PRIM2: variants seen among roughly 807,000 people sequenced by gnomAD.
PRIM2 encodes DNA primase subunit 2.
PRIM2 carries 39 observed loss-of-function variants against 67.3 expected under a neutral mutation model. The observed-to-expected ratio is 0.58, with a 90% confidence interval of 0.45 to 0.76. PRIM2 has a LOEUF of 0.76. Ranked by LOEUF, PRIM2 falls within the 30% of genes least tolerant of loss-of-function variation. PRIM2 has a pLI of 0.00. For missense variants in PRIM2, 398 were observed against 598.7 expected, an observed-to-expected ratio of 0.66 and a Z score of 3.50; for synonymous variants, 143 against 198.7, an observed-to-expected ratio of 0.72 and a Z score of 2.36.
chr6:57,312,927 C>T (rs867476773), upstream of PRIM2, among the ~76,000 whole-genome samples: 1 of 152,278 alleles, frequency 6.6e-6, no homozygotes, highest in East Asian at 1.9e-4. Flanking sequence ...TGTCCCAGCA[C>T]CATTTAGAAT....
At position 57,318,511 on chromosome 6, in the gene PRIM2, C is replaced by A; in HGVS notation, c.66C>A (p.Tyr22Ter). The A allele has an allele frequency of 1.2e-6, 2 of 1,606,618 alleles. No homozygotes were observed. The highest frequency in any genetic ancestry group is 1.7e-6 in the Non-Finnish European group (2 of 1,176,200). ...RLAGDQRNAS[Y>*]PHCLQFYLQP... ...CAGGTGACCAGAGGAATGCTTCCTA[C>A]CCTCATTGCCTTCAGTTTTACTTGC... is the stretch of plus-strand genomic sequence containing the variant. Residue 22 changes from tyrosine (Y) to a stop codon, truncating the protein, a stop_gained, in exon 2 of 14, where the codon TAC (tyrosine) becomes TAA (stop). Transcript: ENST00000615550. LOFTEE classifies it high-confidence loss of function.
At chr6:57,353,820 T>C (rs1252507102) in intron 5 of PRIM2, among the ~76,000 whole-genome samples, 1 of 152,216 alleles carries the variant, frequency 6.6e-6, no homozygotes, top group Admixed American at 6.5e-5. Context: ...TTCCACCATC[T>C]CTTAAGCTCT....
At chr6:57,589,948 C>T (rs1402216081) in intron 10 of PRIM2, among the ~76,000 whole-genome samples, 1 of 152,056 alleles carries the variant, frequency 6.6e-6, no homozygotes, top group Non-Finnish European at 1.5e-5. Flanking sequence ...AAGTCTTCAT[C>T]CCAGGAGACA....
In PRIM2 at chr6:57,537,601, C is replaced by A; in HGVS notation, c.996C>A (p.Ile332=). ...QALQFWKQEF[I]KGKMDPDKFD... ...TGCAGTTCTGGAAGCAAGAATTTATCAAAGGAAAGATGGATCCAGACAAGG... is the reference window on the plus strand; with the variant it reads ...TGCAGTTCTGGAAGCAAGAATTTATAAAAGGAAAGATGGATCCAGACAAGG... Residue 332 remains isoleucine, a synonymous_variant, in exon 10 of 14, where the codon ATC becomes ATA. Transcript: ENST00000615550. 1.9e-6 allele frequency: 3 copies of A among 1,542,806 alleles called. No individual in the cohort carries two copies. The highest frequency in any genetic ancestry group is 1.4e-5 in the African/African-American group (1 of 72,658).
chr6:57,335,949 G>T (rs1396727560), intron 5 of PRIM2, among the ~76,000 whole-genome samples: 14 of 151,584 alleles, frequency 9.2e-5, no homozygotes, highest in African/African-American at 2.7e-4. Context: ...GCAAAGAAGT[G>T]GAAAACTTTG....
At chr6:57,449,615 A>G (rs1772473883) in intron 7 of PRIM2, among the ~76,000 whole-genome samples, 2 of 152,164 alleles carry the variant, frequency 1.3e-5, no homozygotes, top group African/African-American at 4.8e-5. Flanking sequence ...TTCCCTCTGT[A>G]TGAATAAATA....
intron 9 of PRIM2, among the ~76,000 whole-genome samples, chr6:57,536,037 A>C (rs1774994749): frequency 6.6e-6 from 1 of 152,218 alleles, no homozygotes; most frequent in African/African-American, 2.4e-5. Context: ...AAGGAGCTGA[A>C]AGGCTTTCTA....
intron 10 of PRIM2, among the ~76,000 whole-genome samples, chr6:57,544,017 AT>A (rs1192625202): frequency 1.3e-5 from 2 of 152,108 alleles, no homozygotes; most frequent in Admixed American, 6.6e-5. Flanking sequence ...GCCCACTGTT[AT>A]TTTTTTATTA....
At chr6:57,441,830 C>T (rs911003298) in intron 7 of PRIM2, among the ~76,000 whole-genome samples, 2 of 152,088 alleles carry the variant, frequency 1.3e-5, no homozygotes, top group African/African-American at 4.8e-5. Context: ...ACAGGCAATT[C>T]AGTAAGTCTG....
At chr6:57,427,244 A>G (rs1771662433) in intron 7 of PRIM2, among the ~76,000 whole-genome samples, 1 of 152,202 alleles carries the variant, frequency 6.6e-6, no homozygotes, top group African/African-American at 2.4e-5. Context: ...GATTTTGGGA[A>G]TGGCTTTGTT....
chr6:57,334,654 C>G (rs1768162737), intron 5 of PRIM2, among the ~76,000 whole-genome samples: 1 of 152,022 alleles, frequency 6.6e-6, no homozygotes, highest in Non-Finnish European at 1.5e-5. Context: ...AAGACCCTGT[C>G]TCTCAAAGAA....
rs1166652662 is a variant in PRIM2, at chr6:57,612,809, T to A, written c.1230+6352T>A. On this transcript the variant is annotated intron_variant, in intron 12 of 13. Transcript: ENST00000615550. ...TCTTTTCGCCTTTTTTTTTTTTTTT[T>A]AAATAGACAGGGTCTTGCTCTGTCA... Among the ~76,000 whole-genome samples the A allele has an allele frequency of 5.4e-5, 8 of 148,874 alleles. No individual in the cohort carries two copies. In the East Asian group the frequency reaches 9.7e-4, roughly 18 times the overall value.
At position 57,432,255 on chromosome 6, in the gene PRIM2, A is replaced by C. The variant is rs1771860536; in HGVS notation, c.693+50087A>C. Among the ~76,000 whole-genome samples the C allele has an allele frequency of 3.3e-5, 5 of 152,346 alleles. No individual in the cohort carries two copies. In the South Asian group the frequency reaches 1.0e-3, roughly 32 times the overall value. ...TTGGGTAAGTTATATAATTACTTTCATGAAAGGAATTTGTTTAGATTCTAC... is the reference window on the plus strand; with the variant it reads ...TTGGGTAAGTTATATAATTACTTTCCTGAAAGGAATTTGTTTAGATTCTAC... On this transcript the variant is annotated intron_variant, in intron 7 of 13. Coordinates refer to ENST00000615550, the MANE Select transcript of PRIM2 (RefSeq NM_000947.5).
intron 7 of PRIM2, 47 bp from the exon 8 acceptor site, chr6:57,507,340 G>A (rs1554347293): frequency 7.0e-5 from 92 of 1,310,650 alleles, no homozygotes; most frequent in Middle Eastern, 1.9e-4. Context: ...AAATATGTTC[G>A]GTGTTCGGCC....
chr6:57,324,417 A>G, intron 4 of PRIM2, 137 bp downstream of exon 4: 2 of 469,530 alleles, frequency 4.3e-6, no homozygotes, highest in East Asian at 3.2e-5. Flanking sequence ...GGGGTTGAAC[A>G]CTGACAGTAA....
the PRIM2 span, among the ~76,000 whole-genome samples, chr6:57,301,489 A>AAAAC: frequency 1.3e-4 from 20 of 152,176 alleles, no homozygotes; most frequent in African/African-American, 4.1e-4. Context: ...TTCCATCTCA[A>AAAAC]AAACAAACAA....
chr6:57,502,161 A>C (rs1264064487), intron 7 of PRIM2, among the ~76,000 whole-genome samples: 30 of 152,172 alleles, frequency 2.0e-4, no homozygotes, highest in African/African-American at 7.0e-4. Context: ...AGCCAAGGGA[A>C]CCCTAGAGAA....
rs147758227 is a variant in PRIM2, at chr6:57,318,318, G to A, written c.-9-119G>A. On this transcript the variant is annotated intron_variant, in intron 1 of 13. Coordinates refer to ENST00000615550, the MANE Select transcript of PRIM2 (RefSeq NM_000947.5). ...GGAATTGCCACTGCTAACATTTTGT[G>A]CATGCCCTCAAATCCATTTTTTTTC... 21 of 957,944 alleles carry A rather than the reference G, an allele frequency of 2.2e-5. No individual in the cohort carries two copies. In the African/African-American group the frequency reaches 3.5e-4, roughly 16 times the overall value. The allele number at this position is 957,944 out of a possible 1,614,324, so 59.3% of individuals were successfully genotyped here.
intron 10 of PRIM2, among the ~76,000 whole-genome samples, chr6:57,592,011 C>T (rs1340428352): frequency 6.6e-6 from 1 of 152,112 alleles, no homozygotes; most frequent in African/African-American, 2.4e-5. Flanking sequence ...AAATCATGTC[C>T]TTTGCATCAG....
Sources: gnomAD v4.1 joint callset for allele counts (sites outside exome capture counted in the v4.1 genomes callset) on GRCh38, gnomAD v4.1.1 for gene constraint, MANE v1.5 for transcripts, NCBI Gene and HGNC (gene_info 2026-07-23, HGNC 2026-07-21) for gene names.